Variants in CARF observed in about 807,000 individuals in gnomAD.
The protein encoded by CARF is calcium responsive transcription factor.
A neutral mutation model predicts 82.0 loss-of-function variants in CARF; 57 were observed. The ratio of observed to expected loss-of-function variants is 0.70; its 90% confidence interval spans 0.56 to 0.87. The LOEUF (loss-of-function observed/expected upper bound fraction) is 0.87. Among genes scored for constraint, CARF ranks in the 40% least tolerant of loss-of-function variants. The probability of loss-of-function intolerance (pLI) is 0.00; values close to 1 mark genes in which losing one functional copy is unlikely to be tolerated. For synonymous variants in CARF, 268 were observed against 290.1 expected, an observed-to-expected ratio of 0.92 and a Z score of 0.77; for missense variants, 771 against 855.8, an observed-to-expected ratio of 0.90 and a Z score of 1.24.
chr2:202,971,269 TATAA>T (rs746458395), intron 11 of CARF, among the ~76,000 whole-genome samples: 8 of 152,154 alleles, frequency 5.3e-5, no homozygotes, highest in Non-Finnish European at 1.0e-4. Context: ...AGTGAAAGTC[TATAA>T]ATATTTACAA....
At chr2:202,954,757 C>A (rs1372556328) in intron 7 of CARF, among the ~76,000 whole-genome samples, 1 of 148,014 alleles carries the variant, frequency 6.8e-6, no homozygotes, top group African/African-American at 2.5e-5. Flanking sequence ...TACCTGTAAT[C>A]CCAACACTTT....
chr2:202,913,141 G>A (rs1688948494), intron 1 of CARF, 39 bp downstream of exon 1: 4 of 152,082 alleles, frequency 2.6e-5, no homozygotes, highest in Admixed American at 2.6e-4. Context: ...CCTTTTTTAC[G>A]TTGTTTAAAG....
chr2:202,942,665 C>G, intron 4 of CARF, 75 bp from the exon 5 acceptor site: 1 of 1,177,584 alleles, frequency 8.5e-7, no homozygotes, highest in Non-Finnish European at 1.2e-6. Flanking sequence ...AAATGGATGT[C>G]TTTTCATTTT....
At chr2:202,917,007 G>A (rs1288573462) in intron 1 of CARF, among the ~76,000 whole-genome samples, 2 of 151,870 alleles carry the variant, frequency 1.3e-5, no homozygotes, top group East Asian at 3.9e-4. Flanking sequence ...TCAGGAGATC[G>A]AGACCATCCC....
intron 14 of CARF, among the ~76,000 whole-genome samples, chr2:202,977,720 T>C (rs2060090547): frequency 6.6e-6 from 1 of 152,168 alleles, no homozygotes; most frequent in Non-Finnish European, 1.5e-5. Flanking sequence ...TTTCCACCCT[T>C]TTGCATTTCT....
In CARF at chr2:202,985,157, T is replaced by A. The variant is rs1425129457; in HGVS notation, c.*1533T>A. The A allele has an allele frequency of 1.3e-5, 2 of 152,084 alleles. No individual in the cohort carries two copies. Among genetic ancestry groups the A allele is most frequent in the Non-Finnish European group, 2.9e-5 (2 of 68,010 alleles). The allele number at this position is 152,084 out of a possible 1,614,324, so 9.4% of individuals were successfully genotyped here. ...CTCCAGAGACCATTTGTGGGTATATTTTATATTTTAAAAATAAAGATTTTA... is the reference window on the plus strand; with the variant it reads ...CTCCAGAGACCATTTGTGGGTATATATTATATTTTAAAAATAAAGATTTTA... On this transcript the variant is annotated 3_prime_UTR_variant, in exon 17 of 17. Transcript: ENST00000438828.
chr2:202,976,205 C>T (rs2105928288), intron 13 of CARF, among the ~76,000 whole-genome samples: 1 of 151,130 alleles, frequency 6.6e-6, no homozygotes, highest in South Asian at 2.1e-4. Flanking sequence ...GACAGTCTCT[C>T]TCTCTCTTGC....
At chr2:202,936,247 C>T (rs910321472) in intron 3 of CARF, among the ~76,000 whole-genome samples, 1 of 152,116 alleles carries the variant, frequency 6.6e-6, no homozygotes, top group Non-Finnish European at 1.5e-5. Flanking sequence ...TATATATGTA[C>T]ACACACATTG....
rs1473531391 is a variant in CARF, at chr2:202,931,229, C to G, written c.-44+6814C>G. ...TTAGGTTATCCGCCTGCCTTGGCCT[C>G]CCAAAGTGCTGGGATTACAGGTGTG... On this transcript the variant is annotated intron_variant, in intron 3 of 16. Transcript: ENST00000438828. Among the ~76,000 whole-genome samples, 4 of 152,218 alleles carry G rather than the reference C, an allele frequency of 2.6e-5. No individual in the cohort carries two copies. The East Asian group carries it at 7.7e-4, about 29-fold the overall frequency.
intron 9 of CARF, among the ~76,000 whole-genome samples, chr2:202,964,527 C>A (rs533402278): frequency 6.6e-6 from 1 of 152,156 alleles, no homozygotes; most frequent in East Asian, 1.9e-4. Flanking sequence ...GCAATCTGCC[C>A]ACTTCAGCCT....
At chr2:202,951,618 C>T (rs942038186) in intron 5 of CARF, among the ~76,000 whole-genome samples, 2 of 151,972 alleles carry the variant, frequency 1.3e-5, no homozygotes, top group African/African-American at 2.4e-5. Context: ...AAAAGTTTTT[C>T]TTCAACTTCA....
At position 202,972,006 on chromosome 2, in the gene CARF, A is replaced by C. The variant is rs575982071; in HGVS notation, c.1331+268A>C. Among the ~76,000 whole-genome samples, 36 of 152,266 alleles carry C rather than the reference A, an allele frequency of 2.4e-4. No individual in the cohort carries two copies. In the South Asian group the frequency reaches 3.7e-3, roughly 16 times the overall value. On this transcript the variant is annotated intron_variant, in intron 12 of 16. Transcript: ENST00000438828. ...GGATTTGGCAAATTGGACTATGTCT[A>C]AATGATGTATAAAATTAAATAGTTA...
Position 202,942,903 on chromosome 2 carries a change from T to A in CARF, c.242T>A (p.Val81Glu), listed in dbSNP as rs368347355. The change falls in exon 5 of 17, where the codon GTG becomes GAG. Residue 81 changes from valine to glutamate, a missense_variant. Val to Glu is a moderately radical substitution (Grantham distance 121, BLOSUM62 -2). Transcript: ENST00000438828. Reference sequence around the variant, plus strand: ...CTTTCTGCAGAGCAATTCCATCTAGTGGACCAAAATGGGCAGGCTATTCAA... The same window carrying A: ...CTTTCTGCAGAGCAATTCCATCTAGAGGACCAAAATGGGCAGGCTATTCAA... ...QTLSAEQFHLVDQNGQAIQYE... is the reference protein window; with the variant it reads ...QTLSAEQFHLEDQNGQAIQYE... The A allele has an allele frequency of 1.6e-5, 26 of 1,614,042 alleles. No individual in the cohort carries two copies. The highest frequency in any genetic ancestry group is 2.1e-5 in the Non-Finnish European group (25 of 1,180,040).
chr2:202,952,059 C>T (rs1190632382), intron 5 of CARF, among the ~76,000 whole-genome samples: 1 of 152,106 alleles, frequency 6.6e-6, no homozygotes, highest in Non-Finnish European at 1.5e-5. Context: ...TCTCGAACTC[C>T]TGACCTCGTG....
At chr2:202,973,667 G>A (rs982475650) in intron 12 of CARF, 11 of 263,570 alleles carry the variant, frequency 4.2e-5, no homozygotes, top group Middle Eastern at 4.6e-4. Context: ...ATAATTGTAC[G>A]TATGTCGTTG....
intron 3 of CARF, among the ~76,000 whole-genome samples, chr2:202,939,705 T>C (rs111958157): frequency 6.8e-6 from 1 of 146,634 alleles, no homozygotes; most frequent in Non-Finnish European, 1.5e-5. Context: ...TTTTTTTTTT[T>C]TGAGACAGGG....
intron 9 of CARF, among the ~76,000 whole-genome samples, chr2:202,966,274 G>C (rs1485995677): frequency 6.6e-6 from 1 of 152,134 alleles, no homozygotes; most frequent in East Asian, 1.9e-4. Flanking sequence ...ATGGATTACT[G>C]GGGGCCATCT....
chr2:202,982,747 A>G (rs1355342599), intron 16 of CARF, among the ~76,000 whole-genome samples: 1 of 152,210 alleles, frequency 6.6e-6, no homozygotes, highest in African/African-American at 2.4e-5. Context: ...AGTACATGAA[A>G]AAATTAATAG....
chr2:202,918,732 T>C (rs1014368784), intron 2 of CARF, among the ~76,000 whole-genome samples: 2 of 152,172 alleles, frequency 1.3e-5, no homozygotes, highest in Admixed American at 6.5e-5. Context: ...GTAATACTTT[T>C]CACTGCATCC....
Sources: allele counts gnomAD v4.1 joint callset (sites outside exome capture counted in the v4.1 genomes callset), GRCh38; gene constraint gnomAD v4.1.1; transcripts MANE v1.5; gene names NCBI Gene and HGNC (gene_info 2026-07-23, HGNC 2026-07-21).